The following STK3 variants were observed in gnomAD, a reference collection of about 807,000 sequenced individuals.
The protein encoded by STK3 is serine/threonine kinase 3, also known as serine/threonine-protein kinase 3.
A neutral mutation model predicts 58.0 loss-of-function variants in STK3; 41 were observed. That is an observed-to-expected ratio of 0.71 (90% CI 0.55 to 0.92). The LOEUF (loss-of-function observed/expected upper bound fraction) is 0.92. STK3 is among the 40% of genes least tolerant of loss of function. The pLI is 0.00. For synonymous variants in STK3, 170 were observed against 191.0 expected, an observed-to-expected ratio of 0.89 and a Z score of 0.91; for missense variants, 479 against 602.7, an observed-to-expected ratio of 0.79 and a Z score of 2.15.
chr8:98,598,579 G>A (rs1253833559), intron 6 of STK3: 11 of 985,318 alleles, frequency 1.1e-5, no homozygotes, highest in Non-Finnish European at 1.3e-5. Context: ...GAACCACAGA[G>A]GATCCTCTTA....
intron 1 of STK3, among the ~76,000 whole-genome samples, chr8:98,787,803 T>C (rs1208660221): frequency 1.3e-5 from 2 of 152,140 alleles, no homozygotes; most frequent in African/African-American, 4.8e-5. Flanking sequence ...AAAACAATTA[T>C]CAGCCAAGAA....
intron 6 of STK3, chr8:98,597,876 A>ACC: frequency 1.0e-6 from 1 of 985,380 alleles, no homozygotes; most frequent in Non-Finnish European, 1.2e-6. Context: ...GTGCCAGACA[A>ACC]TGAAATTCTG....
chr8:98,429,325 C>T lies in STK3; in HGVS notation n.483+4802G>A, dbSNP rs764653918. On this transcript the variant is annotated intron_variant and non_coding_transcript_variant, in intron 3 of 3. Coordinates refer to the STK3 transcript ENST00000517832. Reference sequence around the variant, plus strand: ...TCGGTCAATTTAAGGGACTATTATGCCCATAAAGTTAAATCCCTTATGGCA... The same window carrying T: ...TCGGTCAATTTAAGGGACTATTATGTCCATAAAGTTAAATCCCTTATGGCA... 9.3e-6 allele frequency: 15 copies of T among 1,614,078 alleles called. No individual in the cohort carries two copies. In the South Asian group the frequency reaches 1.5e-4, roughly 17 times the overall value.
At chr8:98,720,284 C>T (rs1278654220) in intron 4 of STK3, among the ~76,000 whole-genome samples, 1 of 152,022 alleles carries the variant, frequency 6.6e-6, no homozygotes, top group African/African-American at 2.4e-5. Flanking sequence ...AGCAGAAACA[C>T]TTATTATTAT....
intron 1 of STK3, among the ~76,000 whole-genome samples, chr8:98,890,772 C>A (rs1246283436): frequency 2.6e-4 from 40 of 152,164 alleles, no homozygotes; most frequent in Non-Finnish European, 4.4e-5. Context: ...AGACATGAAA[C>A]CCTTTAGGAG....
At chr8:98,377,942 C>T (rs976694081) in intron 2 of STK3, among the ~76,000 whole-genome samples, 3 of 152,166 alleles carry the variant, frequency 2.0e-5, no homozygotes, top group African/African-American at 7.2e-5. Context: ...TGTGGGGAAG[C>T]CGTGAATGCA....
chr8:98,532,717 T>C (rs1004362162), intron 9 of STK3, among the ~76,000 whole-genome samples: 1 of 152,106 alleles, frequency 6.6e-6, no homozygotes, highest in African/African-American at 2.4e-5. Context: ...GTTATATGTA[T>C]TTTACCACAA....
chr8:98,654,818 C>A (rs1358945748), intron 6 of STK3, among the ~76,000 whole-genome samples: 10 of 152,052 alleles, frequency 6.6e-5, no homozygotes, highest in Non-Finnish European at 1.0e-4. Context: ...CAAACCACTG[C>A]TCAATGAAAT....
At chr8:98,910,655 C>T (rs141553791) in intron 1 of STK3, among the ~76,000 whole-genome samples, 42 of 152,230 alleles carry the variant, frequency 2.8e-4, no homozygotes, top group African/African-American at 9.4e-4. Flanking sequence ...CCATGTAGCC[C>T]GCATTATTGG....
chr8:98,359,947 G>C, the STK3 span, among the ~76,000 whole-genome samples: 8 of 152,122 alleles, frequency 5.3e-5, no homozygotes, highest in African/African-American at 1.2e-4. Flanking sequence ...AATGTGCCAT[G>C]TTTTCAGGGG....
rs2922071 is a variant in STK3, at chr8:98,934,089, A to G, written c.-79+8289T>C. ...ACATTTTTTTCTGCAGCCTCTGACTATGAGGTTATATTAATAAAAAGGCCA... is the reference window on the plus strand; with the variant it reads ...ACATTTTTTTCTGCAGCCTCTGACTGTGAGGTTATATTAATAAAAAGGCCA... On this transcript the variant is annotated intron_variant, in intron 1 of 1. Transcript: ENST00000519420. Among the ~76,000 whole-genome samples, 598 of 152,212 alleles carry G rather than the reference A, an allele frequency of 3.9e-3. 17 individuals carry two copies. In the East Asian group the frequency reaches 0.09, roughly 23 times the overall value.
chr8:98,673,317 C>G (rs544216809), intron 6 of STK3, among the ~76,000 whole-genome samples: 14 of 152,320 alleles, frequency 9.2e-5, no homozygotes, highest in African/African-American at 3.1e-4. Flanking sequence ...GTTCTTTATT[C>G]TCTCTATACC....
intron 1 of STK3, among the ~76,000 whole-genome samples, chr8:98,890,736 A>G (rs1465516309): frequency 6.6e-6 from 1 of 152,242 alleles, no homozygotes; most frequent in East Asian, 1.9e-4. Context: ...AAACACCTAT[A>G]AAACTATATT....
chr8:98,473,990 G>A (rs1821119317), intron 10 of STK3, among the ~76,000 whole-genome samples: 1 of 152,088 alleles, frequency 6.6e-6, no homozygotes, highest in South Asian at 2.1e-4. Context: ...GCAATACTCA[G>A]TAAGTTCATA....
chr8:98,426,340 G>A (rs762326420), intron 3 of STK3, among the ~76,000 whole-genome samples: 2 of 152,090 alleles, frequency 1.3e-5, no homozygotes, highest in African/African-American at 2.4e-5. Context: ...TTTAATGAAC[G>A]CGGTACACAC....
At chr8:98,753,002 C>T (rs887842565) in intron 3 of STK3, among the ~76,000 whole-genome samples, 2 of 151,152 alleles carry the variant, frequency 1.3e-5, no homozygotes, top group African/African-American at 4.9e-5. Context: ...TGCTTATATA[C>T]TGTTGGTGGG....
chr8:98,468,833 G>A (rs1012125952), intron 10 of STK3, among the ~76,000 whole-genome samples: 33 of 152,164 alleles, frequency 2.2e-4, no homozygotes, highest in African/African-American at 7.0e-4. Context: ...GATGAGAGCC[G>A]GGCATGGTGG....
intron 6 of STK3, among the ~76,000 whole-genome samples, chr8:98,691,734 C>A (rs2130952025): frequency 6.6e-6 from 1 of 152,110 alleles, no homozygotes; most frequent in East Asian, 1.9e-4. Context: ...GAGATCGAGA[C>A]CATCCTGGCA....
At chr8:98,704,548 A>C (rs1348091534) in intron 6 of STK3, among the ~76,000 whole-genome samples, 1 of 151,592 alleles carries the variant, frequency 6.6e-6, no homozygotes, top group East Asian at 1.9e-4. Flanking sequence ...GACTTGAAAA[A>C]CTGGTAGGAT....
Sources: allele counts gnomAD v4.1 joint callset (sites outside exome capture counted in the v4.1 genomes callset), GRCh38; gene constraint gnomAD v4.1.1; transcripts MANE v1.5; gene names NCBI Gene and HGNC (gene_info 2026-07-23, HGNC 2026-07-21).